Variants in RNF157 observed in about 807,000 individuals in gnomAD.
The protein encoded by RNF157 is E3 ubiquitin ligase RNF157.
Under a neutral mutation model 88.3 loss-of-function variants are expected in RNF157, and 55 were observed. The ratio of observed to expected loss-of-function variants is 0.62; its 90% confidence interval spans 0.50 to 0.78. The LOEUF (loss-of-function observed/expected upper bound fraction) is 0.78, where lower values mean the gene tolerates loss of function less well. RNF157 is among the 30% of genes least tolerant of loss of function. The probability of loss-of-function intolerance (pLI) is 0.00; values close to 1 mark genes in which losing one functional copy is unlikely to be tolerated. For missense variants in RNF157, 788 were observed against 860.8 expected (o/e 0.92, Z 1.06); for synonymous variants, 334 against 341.2 (o/e 0.98, Z 0.23).
At chr17:76,173,820 G>T (rs2144881395) in intron 2 of RNF157, 30 bp from the exon 3 acceptor site, 1 of 1,575,802 alleles carries the variant, frequency 6.3e-7, no homozygotes, top group Non-Finnish European at 8.7e-7. Context: ...GGAGAAGGTG[G>T]TGTGTTTAAA....
chr17:76,167,428 G>A (rs2068945615), intron 4 of RNF157, among the ~76,000 whole-genome samples: 1 of 152,190 alleles, frequency 6.6e-6, no homozygotes, highest in Non-Finnish European at 1.5e-5. Context: ...AAAGGGTAGG[G>A]CTTTGTAGAA....
intron 2 of RNF157, among the ~76,000 whole-genome samples, chr17:76,175,050 CATT>C (rs2069081898): frequency 6.6e-6 from 1 of 152,166 alleles, no homozygotes. Context: ...CCAAAATTAA[CATT>C]ATGGAATACG....
In RNF157 at chr17:76,146,997, T is replaced by C. The variant is rs1194919326; in HGVS notation, c.1922-1644A>G. 2 of 985,280 alleles carry C rather than the reference T, an allele frequency of 2.0e-6. No individual in the cohort carries two copies. Among genetic ancestry groups the C allele is most frequent in the Non-Finnish European group, 2.4e-6 (2 of 829,940 alleles). 61.0% of individuals were successfully genotyped at this position (985,280 alleles called of 1,614,324 possible). ...AATCCACCTCAGGCTCTAGTAACAG[T>C]CTCTGGTGCTTGACCCCAGGGGAAC... On this transcript the variant is annotated intron_variant, in intron 18 of 18. Coordinates refer to ENST00000269391, the MANE Select transcript of RNF157 (RefSeq NM_052916.3). The surrounding 1 kb of genome is among the most constrained non-coding windows in gnomAD (Gnocchi z 4.2).
rs148503232 is a variant in RNF157, at chr17:76,152,456, G to A, written c.1820C>T (p.Thr607Met). The stretch of plus-strand genomic sequence containing the variant: ...ACACTCCATACCTAGAAATGCGCAC[G>A]TCCTCTGGCCTGTAACGGAGTTAAT... ...DGSPTQEGQRTCAFLGMECDN... is the reference protein window; with the variant it reads ...DGSPTQEGQRMCAFLGMECDN... Residue 607 changes from threonine (T) to methionine (M), a missense_variant, in exon 18 of 19, where the codon ACG becomes ATG. Coordinates refer to ENST00000269391, the MANE Select transcript of RNF157 (RefSeq NM_052916.3). The A allele has an allele frequency of 7.5e-6, 12 of 1,610,266 alleles. No individual in the cohort carries two copies. The highest frequency in any genetic ancestry group is 1.7e-4 in the Middle Eastern group (1 of 6,058).
At position 76,156,334 on chromosome 17, in the gene RNF157, G is replaced by C; in HGVS notation, c.1414-13C>G. 6.2e-7 allele frequency: 1 copy of C among 1,613,926 alleles called. No individual in the cohort carries two copies. The highest frequency in any genetic ancestry group is 8.5e-7 in the Non-Finnish European group (1 of 1,179,948). On this transcript the variant is annotated splice_polypyrimidine_tract_variant and intron_variant, in intron 13 of 18. Transcript: ENST00000269391. ...TCACACCACATTCCTGGGGGTTGTG[G>C]GGGGACACAACAGGACATGGAGCAA...
chr17:76,205,706 G>A (rs1379029564), intron 2 of RNF157, among the ~76,000 whole-genome samples: 3 of 149,228 alleles, frequency 2.0e-5, no homozygotes, highest in African/African-American at 5.1e-5. Context: ...GCCTGGCGAC[G>A]GAGCAAGACT....
intron 1 of RNF157, among the ~76,000 whole-genome samples, chr17:76,230,749 A>G (rs1345051295): frequency 6.6e-6 from 1 of 150,416 alleles, no homozygotes; most frequent in Non-Finnish European, 1.5e-5. Context: ...GGGGCAGGAG[A>G]ATCGCTTGAA....
chr17:76,209,646 C>T (rs2069742918), intron 2 of RNF157, among the ~76,000 whole-genome samples: 1 of 151,786 alleles, frequency 6.6e-6, no homozygotes, highest in Non-Finnish European at 1.5e-5. Flanking sequence ...ACTGAAAAGG[C>T]CAAAATTTTT....
intron 1 of RNF157, among the ~76,000 whole-genome samples, chr17:76,220,114 G>A (rs990702320): frequency 1.3e-5 from 2 of 152,094 alleles, no homozygotes; most frequent in African/African-American, 4.8e-5. Flanking sequence ...CATCCAGCCT[G>A]TAAGTCTGCA....
intron 2 of RNF157, among the ~76,000 whole-genome samples, chr17:76,210,588 CAAAAAAA>C (rs71161274): frequency 1.9e-5 from 1 of 53,538 alleles, no homozygotes; most frequent in African/African-American, 7.8e-5. Flanking sequence ...AGACTCCGTC[CAAAAAAA>C]AAAAAAAAAG....
chr17:76,200,459 A>G (rs1226238536), intron 2 of RNF157, among the ~76,000 whole-genome samples: 2 of 152,230 alleles, frequency 1.3e-5, no homozygotes, highest in Non-Finnish European at 2.9e-5. Context: ...GAAATAAGCC[A>G]GTCACAAAAG....
intron 2 of RNF157, among the ~76,000 whole-genome samples, chr17:76,207,941 A>AT (rs887869210): frequency 5.9e-5 from 9 of 152,096 alleles, no homozygotes; most frequent in African/African-American, 2.2e-4. Context: ...TTATTTATTT[A>AT]TTGAGACAGG....
At chr17:76,181,133 T>TA (rs1294352895) in intron 2 of RNF157, among the ~76,000 whole-genome samples, 1 of 152,156 alleles carries the variant, frequency 6.6e-6, no homozygotes, top group African/African-American at 2.4e-5. Context: ...CCAAAAGCCA[T>TA]ACTCTATTGC....
chr17:76,166,418 A>C, intron 6 of RNF157, 43 bp downstream of exon 6: 2 of 1,530,860 alleles, frequency 1.3e-6, no homozygotes, highest in Non-Finnish European at 1.8e-6. Flanking sequence ...TATGCCACAA[A>C]AGAGCAGTGT....
rs114182677 is a variant in RNF157 at position 76,202,632 on chromosome 17, C to T, written c.207+9732G>A. The T allele has an allele frequency of 5.9e-3, 932 of 157,920 alleles. 11 individuals carry two copies. Among genetic ancestry groups the T allele is most frequent in the African/African-American group, 0.021 (885 of 41,536 alleles). 9.8% of individuals were successfully genotyped at this position (157,920 alleles called of 1,614,324 possible). On this transcript the variant is annotated intron_variant, in intron 2 of 18. Coordinates refer to ENST00000269391, the MANE Select transcript of RNF157 (RefSeq NM_052916.3). ...CTTCCTTAACTGTGAGCTATTAGAGCGCTACTATTTTTTTTTTCAGGCTCT... is the reference window on the plus strand; with the variant it reads ...CTTCCTTAACTGTGAGCTATTAGAGTGCTACTATTTTTTTTTTCAGGCTCT...
chr17:76,221,801 G>A (rs147193534), intron 1 of RNF157, among the ~76,000 whole-genome samples: 2 of 152,134 alleles, frequency 1.3e-5, no homozygotes, highest in Non-Finnish European at 2.9e-5. Context: ...TAATGTGTCC[G>A]ACATATGTCC....
intron 1 of RNF157, among the ~76,000 whole-genome samples, chr17:76,222,457 T>G (rs954084949): frequency 6.6e-6 from 1 of 152,174 alleles, no homozygotes; most frequent in Non-Finnish European, 1.5e-5. Context: ...TTACGTGAAC[T>G]TCGCCTCAAT....
chr17:76,145,488 G>A, intron 18 of RNF157, 135 bp from the exon 19 acceptor site: 3 of 628,770 alleles, frequency 4.8e-6, no homozygotes, highest in South Asian at 2.0e-5. Flanking sequence ...GACGGTGCGA[G>A]CCACAGCACT....
intron 2 of RNF157, chr17:76,202,608 T>G (rs982281082): frequency 6.5e-6 from 1 of 154,632 alleles, no homozygotes; most frequent in Non-Finnish European, 1.5e-5. Flanking sequence ...TCAGCAAAGC[T>G]TCCTTAACTG....
Sources: gnomAD v4.1 joint callset for allele counts (sites outside exome capture counted in the v4.1 genomes callset) on GRCh38, gnomAD v4.1.1 for gene constraint, Gnocchi (gnomAD v3.1) non-coding constraint, MANE v1.5 for transcripts, NCBI Gene and HGNC (gene_info 2026-07-23, HGNC 2026-07-21) for gene names.